Variants in AGBL1 observed in about 807,000 individuals in gnomAD.
The protein encoded by AGBL1 is AGBL carboxypeptidase 1.
AGBL1 carries 130 observed loss-of-function variants against 118.9 expected under a neutral mutation model. The ratio of observed to expected loss-of-function variants is 1.09; its 90% CI spans 0.95 to 1.26. AGBL1 has a LOEUF of 1.26. Among genes scored for constraint, AGBL1 ranks in the 50% most tolerant of loss-of-function variants. The probability of loss-of-function intolerance (pLI) is 0.00; values close to 1 mark genes in which losing one functional copy is unlikely to be tolerated. For missense variants in AGBL1, 1,584 were observed against 1,298.1 expected, an observed-to-expected ratio of 1.22 and a Z score of -3.38; for synonymous variants, 555 against 478.9, an observed-to-expected ratio of 1.16 and a Z score of -2.08.
At chr15:86,104,555 C>T (rs111512022) in intron 1 of AGBL1, among the ~76,000 whole-genome samples, 1 of 152,108 alleles carries the variant, frequency 6.6e-6, no homozygotes, top group African/African-American at 2.4e-5. Context: ...GGGGAGTCTT[C>T]TCTCAGGGCA....
rs567143318 is a variant in AGBL1 at position 86,226,529 on chromosome 15, T to C, written c.526+1578T>C. Reference sequence around the variant, plus strand: ...GAGCTTACGGTTGAGCATCCTGATATAAATTGTACCTACCTAGATGTGTAA... The same window carrying C: ...GAGCTTACGGTTGAGCATCCTGATACAAATTGTACCTACCTAGATGTGTAA... On this transcript the variant is annotated intron_variant, in intron 6 of 22. Transcript: ENST00000614907. Among the ~76,000 whole-genome samples, 5 of 152,322 alleles carry C rather than the reference T, an allele frequency of 3.3e-5. No individual in the cohort carries two copies. The South Asian group carries it at 1.0e-3, about 32-fold the overall frequency.
chr15:86,744,198 C>T (rs2077721476), intron 22 of AGBL1, among the ~76,000 whole-genome samples: 1 of 152,072 alleles, frequency 6.6e-6, no homozygotes, highest in African/African-American at 2.4e-5. Context: ...GCAGGACTTC[C>T]TATTGACAGG....
intron 22 of AGBL1, among the ~76,000 whole-genome samples, chr15:86,799,676 T>C (rs1376450726): frequency 6.6e-6 from 1 of 152,070 alleles, no homozygotes; most frequent in Non-Finnish European, 1.5e-5. Flanking sequence ...ATTTCACTTC[T>C]ATTTTTTTGT....
chr15:86,595,129 G>T (rs563939295), intron 21 of AGBL1, among the ~76,000 whole-genome samples: 2 of 152,156 alleles, frequency 1.3e-5, no homozygotes, highest in Non-Finnish European at 2.9e-5. Context: ...ATGTTGAAAT[G>T]CCGTGAAGCT....
rs556149796 is a variant in AGBL1, at chr15:86,331,398, A to G, written c.2374+35990A>G. Among the ~76,000 whole-genome samples the G allele has an allele frequency of 8.4e-5, 6 of 71,186 alleles. No individual in the cohort carries two copies. In the South Asian group the frequency reaches 1.0e-3, roughly 12 times the overall value. 46.7% of individuals were successfully genotyped at this position (71,186 alleles called of 152,430 possible). ...CATACTTGAGGGAATAATTCAAGAAAATTTCCCTAATCTTACTTAGAGAGG... is the reference window on the plus strand; with the variant it reads ...CATACTTGAGGGAATAATTCAAGAAGATTTCCCTAATCTTACTTAGAGAGG... On this transcript the variant is annotated intron_variant, in intron 17 of 22. Transcript: ENST00000614907.
intron 18 of AGBL1, among the ~76,000 whole-genome samples, chr15:86,462,173 C>A (rs577948844): frequency 6.6e-6 from 1 of 152,216 alleles, no homozygotes; most frequent in East Asian, 1.9e-4. Context: ...TCTGTCATTT[C>A]CAGAAAGCGT....
chr15:86,714,037 A>G (rs2086601260), intron 22 of AGBL1, among the ~76,000 whole-genome samples: 1 of 152,154 alleles, frequency 6.6e-6, no homozygotes, highest in Non-Finnish European at 1.5e-5. Flanking sequence ...CGATAGCTGA[A>G]CTTTTACTCT....
chr15:86,268,550 C>A (rs926328144), intron 13 of AGBL1, among the ~76,000 whole-genome samples: 2 of 152,144 alleles, frequency 1.3e-5, no homozygotes, highest in African/African-American at 2.4e-5. Flanking sequence ...CTAAATTCAT[C>A]AGTTATGGTC....
At chr15:86,254,222 C>A (rs1202402874) in intron 7 of AGBL1, among the ~76,000 whole-genome samples, 2 of 152,268 alleles carry the variant, frequency 1.3e-5, no homozygotes, top group Non-Finnish European at 2.9e-5. Flanking sequence ...TGCCTTCTCT[C>A]TTCCCACTGG....
At chr15:86,770,979 A>G (rs1567166082) in intron 22 of AGBL1, among the ~76,000 whole-genome samples, 1 of 152,066 alleles carries the variant, frequency 6.6e-6, no homozygotes, top group Non-Finnish European at 1.5e-5. Context: ...GACTATTGGC[A>G]GGATTGAGGT....
intron 17 of AGBL1, among the ~76,000 whole-genome samples, chr15:86,356,912 C>T (rs570987259): frequency 1.3e-5 from 2 of 152,160 alleles, no homozygotes; most frequent in Non-Finnish European, 2.9e-5. Flanking sequence ...AAGCAACATA[C>T]GTACCAATTG....
chr15:86,834,934 C>A (rs927994653), intron 22 of AGBL1, among the ~76,000 whole-genome samples: 1 of 152,118 alleles, frequency 6.6e-6, no homozygotes, highest in African/African-American at 2.4e-5. Flanking sequence ...TATGGACTGT[C>A]TTGAGGAGCA....
chr15:86,741,681 T>C (rs951886774), intron 22 of AGBL1, among the ~76,000 whole-genome samples: 7 of 152,196 alleles, frequency 4.6e-5, no homozygotes, highest in African/African-American at 1.7e-4. Context: ...GAAAAGAATT[T>C]AGTCCCTTAC....
chr15:86,565,665 C>G (rs1293935694), intron 21 of AGBL1, among the ~76,000 whole-genome samples: 1 of 152,258 alleles, frequency 6.6e-6, no homozygotes, highest in Non-Finnish European at 1.5e-5. Context: ...TGCTGTCAGA[C>G]AGGGACATTT....
At chr15:86,849,033 G>C (rs1567205481) in intron 22 of AGBL1, among the ~76,000 whole-genome samples, 1 of 152,120 alleles carries the variant, frequency 6.6e-6, no homozygotes, top group Admixed American at 6.5e-5. Flanking sequence ...GTTTGAGCAG[G>C]GATCCTCTGG....
chr15:86,898,714 A>G (rs1259634396), intron 22 of AGBL1, among the ~76,000 whole-genome samples: 1 of 152,212 alleles, frequency 6.6e-6, no homozygotes, highest in East Asian at 1.9e-4. Flanking sequence ...CAACCCTATT[A>G]AAAATGGGCA....
intron 6 of AGBL1, among the ~76,000 whole-genome samples, chr15:86,232,728 CA>C (rs1567143306): frequency 6.6e-6 from 1 of 152,174 alleles, no homozygotes; most frequent in Admixed American, 6.5e-5. Context: ...TACGTCTCCC[CA>C]TTTCCCCTCT....
At chr15:86,799,622 T>G (rs897757834) in intron 22 of AGBL1, among the ~76,000 whole-genome samples, 63 of 152,154 alleles carry the variant, frequency 4.1e-4, no homozygotes, top group Admixed American at 4.0e-3. Context: ...CTCTAAGGAT[T>G]CCCGCATCTC....
intron 18 of AGBL1, among the ~76,000 whole-genome samples, chr15:86,411,437 G>A (rs1351183508): frequency 6.6e-6 from 1 of 152,150 alleles, no homozygotes; most frequent in Non-Finnish European, 1.5e-5. Context: ...GCAGTCTGGA[G>A]TTTCTAAGCA....
Sources: allele counts gnomAD v4.1 joint callset (sites outside exome capture counted in the v4.1 genomes callset), GRCh38; gene constraint gnomAD v4.1.1; transcripts MANE v1.5; gene names NCBI Gene and HGNC (gene_info 2026-07-23, HGNC 2026-07-21).